CSMD1: variants seen among roughly 807,000 people sequenced by gnomAD.
CSMD1 encodes CUB and Sushi multiple domains 1, also known as CUB and sushi domain-containing protein 1.
In CSMD1, 213 loss-of-function variants were observed where a neutral mutation model predicts 417.5. The ratio of observed to expected loss-of-function variants is 0.51; its 90% CI spans 0.46 to 0.57. CSMD1 has a LOEUF of 0.57. Ranked by LOEUF, CSMD1 falls within the 20% of genes least tolerant of loss-of-function variation. The pLI is 0.00. For missense variants in CSMD1, 6,923 were observed against 4,529.7 expected (o/e 1.53, Z -15.17); for synonymous variants, 2,862 against 1,736.8 (o/e 1.65, Z -16.11).
At chr8:3,862,677 G>T (rs116050479) in intron 5 of CSMD1, among the ~76,000 whole-genome samples, 5,734 of 152,152 alleles carry the variant, frequency 0.038, 108 homozygotes, top group Middle Eastern at 0.068. Context: ...TGCATTCAAC[G>T]TGCTTTTCTA....
intron 3 of CSMD1, among the ~76,000 whole-genome samples, chr8:4,127,856 G>C (rs556968656): frequency 1.1e-4 from 16 of 152,092 alleles, no homozygotes; most frequent in Non-Finnish European, 2.4e-4. Context: ...TTTTGCAGAT[G>C]AAGAAACCCA....
chr8:4,171,566 T>G lies in CSMD1; in HGVS notation c.416-139467A>C, dbSNP rs140747624. 7.9e-5 allele frequency among the ~76,000 whole-genome samples: 12 copies of G among 151,838 alleles called. No individual in the cohort carries two copies. The East Asian group carries it at 1.5e-3, about 20-fold the overall frequency. On this transcript the variant is annotated intron_variant, in intron 3 of 69. Coordinates refer to ENST00000635120, the MANE Select transcript of CSMD1 (RefSeq NM_033225.6). ...TGTACAATAACTACTGGATATGGAG[T>G]GATACGTTGCCAAATACTACACAAT...
At chr8:4,874,782 G>C (rs993733829) in intron 1 of CSMD1, among the ~76,000 whole-genome samples, 2 of 150,640 alleles carry the variant, frequency 1.3e-5, no homozygotes, top group Admixed American at 1.3e-4. Context: ...AAGAAATAGA[G>C]ATAGACTTTT....
intron 3 of CSMD1, among the ~76,000 whole-genome samples, chr8:4,136,103 T>G (rs574890348): frequency 6.6e-6 from 1 of 152,216 alleles, no homozygotes; most frequent in African/African-American, 2.4e-5. Context: ...GGACTTCCTT[T>G]GAAGGAAACT....
At chr8:4,043,502 T>C (rs1012698384) in intron 3 of CSMD1, among the ~76,000 whole-genome samples, 6 of 152,092 alleles carry the variant, frequency 3.9e-5, no homozygotes, top group Non-Finnish European at 7.4e-5. Context: ...GTATTTTAAA[T>C]ACAAACAGAC....
At chr8:3,808,630 G>C (rs1421784349) in intron 5 of CSMD1, among the ~76,000 whole-genome samples, 1 of 152,180 alleles carries the variant, frequency 6.6e-6, no homozygotes, top group Non-Finnish European at 1.5e-5. Context: ...TATTGCATCA[G>C]AGATAGTTCC....
intron 2 of CSMD1, among the ~76,000 whole-genome samples, chr8:4,561,639 G>C (rs1248112560): frequency 6.6e-6 from 1 of 152,150 alleles, no homozygotes; most frequent in Non-Finnish European, 1.5e-5. Flanking sequence ...CCATGAATGA[G>C]CTACTGCAAT....
intron 1 of CSMD1, among the ~76,000 whole-genome samples, chr8:4,757,209 T>C (rs1242732522): frequency 6.6e-6 from 1 of 152,204 alleles, no homozygotes; most frequent in South Asian, 2.1e-4. Flanking sequence ...TTTAGCTGTT[T>C]TACTTCAGGT....
intron 40 of CSMD1, among the ~76,000 whole-genome samples, chr8:3,147,891 G>A (rs904728411): frequency 7.9e-5 from 12 of 152,156 alleles, no homozygotes; most frequent in South Asian, 2.1e-4. Context: ...GGTTACTTGC[G>A]TGAACTACCT....
At chr8:3,781,835 C>A (rs754044035) in intron 5 of CSMD1, among the ~76,000 whole-genome samples, 2 of 152,140 alleles carry the variant, frequency 1.3e-5, no homozygotes, top group Non-Finnish European at 2.9e-5. Flanking sequence ...GCTCTCTATA[C>A]TTCCTAGATT....
intron 2 of CSMD1, among the ~76,000 whole-genome samples, chr8:4,519,742 CAAAAAAAAAAAAAAAAAAAAAAA>C (rs57747377): frequency 8.7e-5 from 7 of 80,370 alleles, no homozygotes; most frequent in South Asian, 4.7e-4. Context: ...GACTTCATCT[CAAAAAAAAAAAAAAAAAAAAAAA>C]AAAAAAAAAA....
chr8:3,748,884 G>T (rs1007214912), intron 6 of CSMD1, among the ~76,000 whole-genome samples: 2 of 152,064 alleles, frequency 1.3e-5, no homozygotes, highest in South Asian at 4.1e-4. Context: ...CCACTGTCAG[G>T]GTTTCCCTTG....
intron 1 of CSMD1, among the ~76,000 whole-genome samples, chr8:4,895,074 G>T (rs1038169109): frequency 6.6e-6 from 1 of 152,114 alleles, no homozygotes; most frequent in African/African-American, 2.4e-5. Context: ...CATTAAACAT[G>T]AGTAAATATG....
intron 3 of CSMD1, among the ~76,000 whole-genome samples, chr8:4,237,796 G>A (rs1379714997): frequency 6.6e-6 from 1 of 152,074 alleles, no homozygotes; most frequent in Non-Finnish European, 1.5e-5. Context: ...TGTAGACATG[G>A]GCCACAGTAC....
intron 45 of CSMD1, chr8:3,107,228 AT>A (rs1261265765): frequency 6.4e-6 from 1 of 156,410 alleles, no homozygotes; most frequent in East Asian, 1.9e-4. Flanking sequence ...TAGATCATTA[AT>A]GTAAAAAGAT....
chr8:3,954,707 C>A (rs1811821344), intron 5 of CSMD1, among the ~76,000 whole-genome samples: 1 of 152,246 alleles, frequency 6.6e-6, no homozygotes, highest in African/African-American at 2.4e-5. Context: ...ATGATTCTTC[C>A]CTTAGGGCAG....
intron 1 of CSMD1, among the ~76,000 whole-genome samples, chr8:4,747,316 T>A (rs1811024027): frequency 6.6e-6 from 1 of 152,230 alleles, no homozygotes; most frequent in African/African-American, 2.4e-5. Context: ...TCTTCTCATT[T>A]ATTTCATAAA....
chr8:4,329,188 A>T (rs1487531398), intron 3 of CSMD1, among the ~76,000 whole-genome samples: 1 of 152,232 alleles, frequency 6.6e-6, no homozygotes, highest in Non-Finnish European at 1.5e-5. Context: ...GAGAATAACA[A>T]GTATAGAGAT....
chr8:4,365,274 ACTG>A (rs757196060), intron 3 of CSMD1, among the ~76,000 whole-genome samples: 2 of 152,212 alleles, frequency 1.3e-5, no homozygotes, highest in Non-Finnish European at 2.9e-5. Flanking sequence ...TTAAAGAAAA[ACTG>A]TAAGTGTAAA....
Sources: gnomAD v4.1 joint callset for allele counts (sites outside exome capture counted in the v4.1 genomes callset) on GRCh38, gnomAD v4.1.1 for gene constraint, MANE v1.5 for transcripts, NCBI Gene and HGNC (gene_info 2026-07-23, HGNC 2026-07-21) for gene names.